Variants in FAM13A observed in about 807,000 individuals in gnomAD.
FAM13A encodes protein FAM13A.
Under a neutral mutation model 129.6 loss-of-function variants are expected in FAM13A, and 76 were observed. That is an observed-to-expected ratio of 0.59 (90% CI 0.49 to 0.71). The LOEUF (loss-of-function observed/expected upper bound fraction) is 0.71. Among genes scored for constraint, FAM13A ranks in the 30% least tolerant of loss-of-function variants. The pLI is 0.00. For missense variants in FAM13A, 1,108 were observed against 1,249.3 expected (o/e 0.89, Z 1.70); for synonymous variants, 443 against 449.9 (o/e 0.98, Z 0.20).
At chr4:88,970,787 T>C (rs1407261585) in intron 4 of FAM13A, among the ~76,000 whole-genome samples, 1 of 152,054 alleles carries the variant, frequency 6.6e-6, no homozygotes, top group Admixed American at 6.6e-5. Context: ...GATGGCTTAA[T>C]ACGTTAGAAA....
intron 3 of FAM13A, among the ~76,000 whole-genome samples, chr4:89,005,690 C>T (rs1010036963): frequency 1.4e-4 from 21 of 152,094 alleles, no homozygotes; most frequent in African/African-American, 4.8e-4. Flanking sequence ...TTTTCATATG[C>T]TTATTGGCTG....
intron 18 of FAM13A, 53 bp downstream of exon 18, chr4:88,747,578 T>A (rs1284061636): frequency 1.4e-6 from 2 of 1,453,214 alleles, no homozygotes; most frequent in Non-Finnish European, 1.9e-6. Context: ...CCTGTGTCTC[T>A]ACCACATTGA....
At chr4:88,734,504 G>C (rs1484862155) in intron 21 of FAM13A, among the ~76,000 whole-genome samples, 1 of 152,168 alleles carries the variant, frequency 6.6e-6, no homozygotes, top group Admixed American at 6.5e-5. Flanking sequence ...AAAATTCAAG[G>C]CCCTATAATT....
chr4:89,006,780 A>T (rs141153309), intron 3 of FAM13A, among the ~76,000 whole-genome samples: 1 of 152,156 alleles, frequency 6.6e-6, no homozygotes, highest in African/African-American at 2.4e-5. Context: ...GGTGGCTCTC[A>T]GCGGAAGGAG....
At chr4:89,031,254 G>A (rs1316044027) in intron 1 of FAM13A, among the ~76,000 whole-genome samples, 2 of 151,962 alleles carry the variant, frequency 1.3e-5, no homozygotes, top group Non-Finnish European at 2.9e-5. Context: ...AAAATAACCA[G>A]TAATAACAAA....
chr4:88,921,480 C>A (rs1270127594), intron 5 of FAM13A, among the ~76,000 whole-genome samples: 5 of 152,080 alleles, frequency 3.3e-5, no homozygotes, highest in African/African-American at 1.2e-4. Context: ...GAAATAAAAT[C>A]CTTTACAGAC....
At chr4:88,988,338 AAATT>A (rs928309259) in intron 4 of FAM13A, among the ~76,000 whole-genome samples, 1 of 152,212 alleles carries the variant, frequency 6.6e-6, no homozygotes, top group Non-Finnish European at 1.5e-5. Context: ...TGAGAAAAAT[AAATT>A]GTGACAAATT....
chr4:89,003,435 A>G (rs1764555281), intron 3 of FAM13A, among the ~76,000 whole-genome samples: 1 of 151,994 alleles, frequency 6.6e-6, no homozygotes, highest in African/African-American at 2.4e-5. Flanking sequence ...ACATGGGGAA[A>G]CCCTGTCTCT....
At chr4:88,853,688 T>C (rs892424299) in intron 6 of FAM13A, among the ~76,000 whole-genome samples, 1 of 152,192 alleles carries the variant, frequency 6.6e-6, no homozygotes, top group East Asian at 1.9e-4. Context: ...GATTGAAGGA[T>C]GCAAAGTACT....
intron 2 of FAM13A, among the ~76,000 whole-genome samples, chr4:89,021,969 A>G (rs1245904764): frequency 6.6e-6 from 1 of 152,180 alleles, no homozygotes; most frequent in African/African-American, 2.4e-5. Context: ...AGTGTGCTAC[A>G]CACCATGTAA....
At chr4:88,770,554 A>C (rs1160122129) in intron 11 of FAM13A, among the ~76,000 whole-genome samples, 1 of 112,990 alleles carries the variant, frequency 8.9e-6, no homozygotes, top group Non-Finnish European at 2.1e-5. Context: ...TGTAGGAGAT[A>C]GCTTAAAAGA....
intron 3 of FAM13A, among the ~76,000 whole-genome samples, chr4:89,015,485 G>A (rs1766361391): frequency 6.6e-6 from 1 of 152,124 alleles, no homozygotes; most frequent in East Asian, 1.9e-4. Flanking sequence ...TTCTCAGACT[G>A]GCTGACACTT....
chr4:88,809,424 T>C (rs550920525), intron 7 of FAM13A, among the ~76,000 whole-genome samples: 1 of 152,298 alleles, frequency 6.6e-6, no homozygotes, highest in African/African-American at 2.4e-5. Flanking sequence ...TAAGTGTTCC[T>C]TGAATACTGA....
chr4:88,793,031 G>GTC (rs1437214444), intron 8 of FAM13A, among the ~76,000 whole-genome samples: 1 of 152,014 alleles, frequency 6.6e-6, no homozygotes, highest in African/African-American at 2.4e-5. Flanking sequence ...GATTCAGCAG[G>GTC]TCTAGGTCTT....
chr4:89,037,218 C>G (rs1290225810), intron 1 of FAM13A, among the ~76,000 whole-genome samples: 3 of 152,162 alleles, frequency 2.0e-5, no homozygotes, highest in African/African-American at 7.2e-5. Flanking sequence ...GGTGCTGTAC[C>G]CTATAGAGCC....
At chr4:88,956,265 TGTTA>T (rs1052652036) in intron 4 of FAM13A, among the ~76,000 whole-genome samples, 1 of 152,242 alleles carries the variant, frequency 6.6e-6, no homozygotes, top group African/African-American at 2.4e-5. Flanking sequence ...TCTGTACTTT[TGTTA>T]GTTTAGATAT....
At chr4:88,777,677 T>C (rs1722039746) in intron 11 of FAM13A, among the ~76,000 whole-genome samples, 1 of 151,618 alleles carries the variant, frequency 6.6e-6, no homozygotes, top group Non-Finnish European at 1.5e-5. Flanking sequence ...GTAAGACACT[T>C]TTCCAGATCT....
chr4:88,745,555 A>T (rs1442290449), intron 19 of FAM13A, among the ~76,000 whole-genome samples: 1 of 152,184 alleles, frequency 6.6e-6, no homozygotes, highest in Admixed American at 6.5e-5. Flanking sequence ...GAAGGAAAAC[A>T]CACCTTCTCC....
intron 4 of FAM13A, among the ~76,000 whole-genome samples, chr4:88,971,224 A>G (rs1760044302): frequency 6.6e-6 from 1 of 152,194 alleles, no homozygotes; most frequent in African/African-American, 2.4e-5. Context: ...CCTCAAAAAG[A>G]GAAAAAGAAA....
Sources: gnomAD v4.1 joint callset for allele counts (sites outside exome capture counted in the v4.1 genomes callset) on GRCh38, gnomAD v4.1.1 for gene constraint, MANE v1.5 for transcripts, NCBI Gene and HGNC (gene_info 2026-07-23, HGNC 2026-07-21) for gene names.